The following FANCI variants were observed in gnomAD, a reference collection of about 807,000 sequenced individuals.
FANCI encodes Fanconi anemia group I protein.
A neutral mutation model predicts 176.1 loss-of-function variants in FANCI; 156 were observed. That is an observed-to-expected ratio of 0.89 (90% CI 0.78 to 1.01). The LOEUF (loss-of-function observed/expected upper bound fraction) is 1.01. Ranked by LOEUF, FANCI falls within the 50% of genes least tolerant of loss-of-function variation. The pLI is 0.00. For missense variants in FANCI, 1,678 were observed against 1,534.1 expected, an observed-to-expected ratio of 1.09 and a Z score of -1.57; for synonymous variants, 613 against 541.7, an observed-to-expected ratio of 1.13 and a Z score of -1.83.
intron 34 of FANCI, among the ~76,000 whole-genome samples, chr15:89,310,007 A>G (rs1159200377): frequency 1.3e-5 from 2 of 152,222 alleles, no homozygotes; most frequent in Non-Finnish European, 2.9e-5. Flanking sequence ...CATCCTAGCT[A>G]TAGGTTATGA....
rs1392378757 is a variant in FANCI at position 89,300,303 on chromosome 15, T to G, written c.2807T>G (p.Val936Gly). The G allele has an allele frequency of 6.2e-7, 1 of 1,613,326 alleles. No individual in the cohort carries two copies. Among genetic ancestry groups the G allele is most frequent in the Admixed American group, 1.7e-5 (1 of 60,010 alleles). Residue 936 changes from valine to glycine, a missense_variant, in exon 26 of 38, where the codon GTC becomes GGC. Val to Gly is a moderately radical substitution (Grantham distance 109). Around this residue, in one of 3 missense-constraint regions of FANCI, gnomAD observed 1,204 missense variants for 1,077.4 expected, o/e 1.12. Transcript: ENST00000310775. ...KIQQFLRALDVTDKEGEERED... is the reference protein window; with the variant it reads ...KIQQFLRALDGTDKEGEERED... Reference sequence around the variant, plus strand: ...AGAGTTTCTTTTCCATTCCTAGATGTCACAGATAAGGAAGGAGAAGAGAGA... The same window carrying G: ...AGAGTTTCTTTTCCATTCCTAGATGGCACAGATAAGGAAGGAGAAGAGAGA...
At chr15:89,286,726 ATTGATTTCAAC>A (rs2053830427) in intron 18 of FANCI, among the ~76,000 whole-genome samples, 1 of 152,150 alleles carries the variant, frequency 6.6e-6, no homozygotes, top group South Asian at 2.1e-4. Context: ...GTAAATGAGC[ATTGATTTCAAC>A]TTAAAGTCAG....
At chr15:89,257,962 A>G (rs558501079) in intron 2 of FANCI, among the ~76,000 whole-genome samples, 3 of 152,276 alleles carry the variant, frequency 2.0e-5, no homozygotes, top group South Asian at 4.1e-4. Flanking sequence ...GAGAAAAGCT[A>G]AACTTCCTAC....
chr15:89,276,864 A>G lies in FANCI; in HGVS notation c.1266A>G (p.Gly422=). The G allele has an allele frequency of 6.2e-7, 1 of 1,614,184 alleles. No homozygotes were observed. ...CAAACCAGCATGCATGTAAGCTCGGAGCTAATATCCTGTTGGAAACTTTTA... is the reference window on the plus strand; with the variant it reads ...CAAACCAGCATGCATGTAAGCTCGGGGCTAATATCCTGTTGGAAACTTTTA... The part of the protein sequence containing the change: ...RMPNQHACKL[G]ANILLETFKI... The change falls in exon 13 of 38, where the codon GGA becomes GGG. Residue 422 remains glycine (G), a synonymous_variant. Transcript: ENST00000310775.
At chr15:89,303,376 A>G (rs1354709559) in intron 27 of FANCI, among the ~76,000 whole-genome samples, 1 of 152,210 alleles carries the variant, frequency 6.6e-6, no homozygotes, top group Non-Finnish European at 1.5e-5. Flanking sequence ...AGCTAAGAAA[A>G]TGCTGTCTGG....
Position 89,276,726 on chromosome 15 carries a change from C to T in FANCI, c.1128C>T (p.Asp376=), listed in dbSNP as rs1279268054. ...EVVKNSVHSW[D]HVTQGLVELG... ...GTTCTTGTAGCGTTCATAGCTGGGA[C>T]CATGTTACTCAGGGCCTCGTAGAAC... is the stretch of plus-strand genomic sequence containing the variant. The change falls in exon 13 of 38, where the codon GAC becomes GAT. Residue 376 remains aspartate, a synonymous_variant. Transcript: ENST00000310775. The T allele has an allele frequency of 6.2e-7, 1 of 1,613,996 alleles. No individual in the cohort carries two copies. The highest frequency in any genetic ancestry group is 1.3e-5 in the African/African-American group (1 of 74,912).
intron 2 of FANCI, among the ~76,000 whole-genome samples, chr15:89,251,933 T>C (rs1196463148): frequency 6.6e-6 from 1 of 152,182 alleles, no homozygotes; most frequent in African/African-American, 2.4e-5. Flanking sequence ...GCCTACTGTC[T>C]CCATTACTAT....
chr15:89,250,244 C>T (rs141726735), intron 2 of FANCI, among the ~76,000 whole-genome samples: 6,610 of 152,148 alleles, frequency 0.043, 451 homozygotes, highest in African/African-American at 0.15. Context: ...CACATTCACA[C>T]GTATGTTTAT....
rs774909787 is a variant in FANCI at position 89,281,765 on chromosome 15, C to T, written c.1513C>T (p.Pro505Ser). The change falls in exon 16 of 38, where the codon CCC becomes TCC. Residue 505 changes from proline to serine, a missense_variant and splice_region_variant. Around this residue, in one of 3 missense-constraint regions of FANCI, gnomAD observed 1,204 missense variants for 1,077.4 expected, o/e 1.12. Coordinates refer to ENST00000310775, the MANE Select transcript of FANCI (RefSeq NM_001113378.2). The stretch of plus-strand genomic sequence containing the variant: ...TTTTTACCCACTGATTCTTTTTCAG[C>T]CCCTTCTCAAAGTCAGCATGTCAAT... ...TVQRLLKAVQ[P>S]LLKVSMSMRD... The T allele has an allele frequency of 3.1e-6, 5 of 1,613,642 alleles. No individual in the cohort carries two copies. In the African/African-American group the frequency reaches 4.0e-5, roughly 13 times the overall value.
intron 34 of FANCI, among the ~76,000 whole-genome samples, chr15:89,312,590 C>A (rs560638089): frequency 6.6e-6 from 1 of 152,134 alleles, no homozygotes; most frequent in African/African-American, 2.4e-5. Context: ...GAGGCTGAGG[C>A]CGGCAGATCA....
chr15:89,247,879 A>T (rs1379174306), intron 2 of FANCI, 148 bp downstream of exon 2: 2 of 684,810 alleles, frequency 2.9e-6, no homozygotes, highest in Non-Finnish European at 5.0e-6. Flanking sequence ...AATAATTTAT[A>T]GATGTAAAGA....
rs945594964 is a variant in FANCI, at chr15:89,299,684, A to G, written c.2637-116A>G. 10 of 995,878 alleles carry G rather than the reference A, an allele frequency of 1.0e-5. No individual in the cohort carries two copies. The African/African-American group carries it at 1.5e-4, about 14-fold the overall frequency. 61.7% of individuals were successfully genotyped at this position (995,878 alleles called of 1,614,324 possible). A position where few individuals can be genotyped will look rare whatever the true frequency, so the allele number is the denominator to read the frequency against. On this transcript the variant is annotated intron_variant, in intron 24 of 37. Transcript: ENST00000310775. Reference sequence around the variant, plus strand: ...TTGATTGTGGGGAGATTACACAACCATGTAAGTTTTTTTAAACTTCTAGAA... The same window carrying G: ...TTGATTGTGGGGAGATTACACAACCGTGTAAGTTTTTTTAAACTTCTAGAA...
At chr15:89,267,191 A>C (rs2052998921) in intron 9 of FANCI, among the ~76,000 whole-genome samples, 1 of 152,072 alleles carries the variant, frequency 6.6e-6, no homozygotes, top group African/African-American at 2.4e-5. Flanking sequence ...GCAGTGGCTC[A>C]TGCCTGTAGT....
At chr15:89,260,590 C>A in intron 3 of FANCI, 123 bp from the exon 4 acceptor site, 2 of 1,277,650 alleles carry the variant, frequency 1.6e-6, no homozygotes. Context: ...GTTCTAAGCA[C>A]CGTAGTAATC....
At chr15:89,297,894 T>A (rs2054369315) in intron 24 of FANCI, among the ~76,000 whole-genome samples, 1 of 151,916 alleles carries the variant, frequency 6.6e-6, no homozygotes, top group African/African-American at 2.4e-5. Context: ...GGGCTTCTAG[T>A]CTTGCTTTGA....
At position 89,276,728 on chromosome 15, in the gene FANCI, A is replaced by G. The variant is rs1273220042; in HGVS notation, c.1130A>G (p.His377Arg). 3.1e-6 allele frequency: 5 copies of G among 1,614,162 alleles called. No homozygotes were observed. Among genetic ancestry groups the G allele is most frequent in the South Asian group, 2.2e-5 (2 of 91,088 alleles). ...TCTTGTAGCGTTCATAGCTGGGACC[A>G]TGTTACTCAGGGCCTCGTAGAACTT... ...VVKNSVHSWDHVTQGLVELGF... is the reference protein window; with the variant it reads ...VVKNSVHSWDRVTQGLVELGF... Residue 377 changes from histidine (H) to arginine (R), a missense_variant, in exon 13 of 38, where the codon CAT becomes CGT. Around this residue, in one of 3 missense-constraint regions of FANCI, gnomAD observed 469 missense variants for 436.9 expected, o/e 1.07. Coordinates refer to ENST00000310775, the MANE Select transcript of FANCI (RefSeq NM_001113378.2).
At chr15:89,307,409 C>G in intron 32 of FANCI, 67 bp from the exon 33 acceptor site, 1 of 1,456,706 alleles carries the variant, frequency 6.9e-7, no homozygotes, top group Non-Finnish European at 9.5e-7. Flanking sequence ...ACTCCATAGG[C>G]TCACTGCAGC....
At position 89,297,041 on chromosome 15, in the gene FANCI, G is replaced by A. The variant is rs934811770; in HGVS notation, c.2636+1947G>A. Reference sequence around the variant, plus strand: ...GCTGACCCCCACCTCCCTCCTGGACGGGGTGGCTGCCGGGTGGAGACGCTC... The same window carrying A: ...GCTGACCCCCACCTCCCTCCTGGACAGGGTGGCTGCCGGGTGGAGACGCTC... On this transcript the variant is annotated intron_variant, in intron 24 of 37. Transcript: ENST00000310775. Among the ~76,000 whole-genome samples the A allele has an allele frequency of 7.3e-5, 11 of 149,976 alleles. 2 individuals are homozygous for A. Among genetic ancestry groups the A allele is most frequent in the South Asian group, 4.2e-4 (2 of 4,772 alleles).
intron 2 of FANCI, among the ~76,000 whole-genome samples, chr15:89,257,524 ATCACCTGATATCTGCTTTCATCT>A (rs774089218): frequency 9.2e-5 from 14 of 152,110 alleles, no homozygotes; most frequent in Non-Finnish European, 2.1e-4. Context: ...CTTGGCTTGT[ATCACCTGATATCTGCTTTCATCT>A]TCACCTGACA....
Sources: allele counts gnomAD v4.1 joint callset (sites outside exome capture counted in the v4.1 genomes callset), GRCh38; gene constraint gnomAD v4.1.1; regional missense constraint gnomAD v4.1.1; transcripts MANE v1.5; gene names NCBI Gene and HGNC (gene_info 2026-07-23, HGNC 2026-07-21).